Variants in PMPCB observed in about 807,000 individuals in gnomAD.
PMPCB encodes the protein peptidase, mitochondrial processing subunit beta.
In PMPCB, 46 loss-of-function variants were observed where a neutral mutation model predicts 61.5. The ratio of observed to expected loss-of-function variants is 0.75; its 90% CI spans 0.59 to 0.96. The LOEUF (loss-of-function observed/expected upper bound fraction) is 0.96, where lower values mean the gene tolerates loss of function less well. PMPCB is among the 40% of genes least tolerant of loss of function. The probability of loss-of-function intolerance (pLI) is 0.00; values close to 1 mark genes in which losing one functional copy is unlikely to be tolerated. For synonymous variants in PMPCB, 191 were observed against 201.6 expected (o/e 0.95, Z 0.44); for missense variants, 590 against 602.4 (o/e 0.98, Z 0.22).
In PMPCB at chr7:103,313,403, A is replaced by G. The variant is rs981192873; in HGVS notation, c.*1132A>G. On this transcript the variant is annotated 3_prime_UTR_variant, in exon 13 of 13. Transcript: ENST00000249269. ...ACACTCACCAGACTGGTAAAAAGCC[A>G]TATTTAAATTTATAGTACTGTTGGA... 3 of 984,172 alleles carry G rather than the reference A, an allele frequency of 3.0e-6. No individual in the cohort carries two copies. Among genetic ancestry groups the G allele is most frequent in the Non-Finnish European group, 3.6e-6 (3 of 828,756 alleles). 61.0% of individuals were successfully genotyped at this position (984,172 alleles called of 1,614,324 possible).
At chr7:103,315,352 A>C (rs1347544745), downstream of PMPCB, among the ~76,000 whole-genome samples, 1 of 152,172 alleles carries the variant, frequency 6.6e-6, no homozygotes, top group African/African-American at 2.4e-5. Flanking sequence ...ACATACTTTG[A>C]ACCATAAGTT....
chr7:103,327,566 T>A (rs957111004), intron 12 of PMPCB: 11 of 826,560 alleles, frequency 1.3e-5, no homozygotes, highest in Non-Finnish European at 1.9e-5. Flanking sequence ...GATAGTTGAA[T>A]GAACTACAGT....
chr7:103,306,337 T>C (rs1305623220), intron 6 of PMPCB, among the ~76,000 whole-genome samples: 2 of 152,068 alleles, frequency 1.3e-5, no homozygotes, highest in African/African-American at 2.4e-5. Flanking sequence ...TGGATACCTA[T>C]TGATGTATTC....
chr7:103,321,453 G>T (rs1009551456), intron 12 of PMPCB, among the ~76,000 whole-genome samples: 6 of 151,062 alleles, frequency 4.0e-5, no homozygotes, highest in African/African-American at 1.5e-4. Flanking sequence ...AGGAGGCGGG[G>T]GTTGCAGTGA....
chr7:103,304,343 C>G, intron 5 of PMPCB, 68 bp from the exon 6 acceptor site: 1 of 888,366 alleles, frequency 1.1e-6, no homozygotes, highest in Admixed American at 1.9e-5. Context: ...AATTTGATTT[C>G]AGGTATATTA....
At chr7:103,344,415 G>T in the PMPCB span, 1 of 831,430 alleles carries the variant, frequency 1.2e-6, no homozygotes, top group Non-Finnish European at 2.0e-6. Context: ...AAAACACGGA[G>T]CAAAAAGGCA....
intron 4 of PMPCB, among the ~76,000 whole-genome samples, chr7:103,300,528 G>T (rs1203729777): frequency 6.6e-6 from 1 of 152,148 alleles, no homozygotes; most frequent in East Asian, 1.9e-4. Context: ...CAATAAAATA[G>T]AGATTATTTG....
the PMPCB span, among the ~76,000 whole-genome samples, chr7:103,339,350 T>G: frequency 1.3e-5 from 2 of 152,196 alleles, no homozygotes; most frequent in Non-Finnish European, 2.9e-5. Flanking sequence ...CTTCTTTCTA[T>G]ACCAAAGACC....
At chr7:103,320,969 A>AGG (rs1179133862) in intron 12 of PMPCB, 1 of 153,482 alleles carries the variant, frequency 6.5e-6, no homozygotes, top group African/African-American at 2.4e-5. Flanking sequence ...AGTCCAAGGC[A>AGG]GGGGGATCAC....
chr7:103,346,197 A>G, the PMPCB span, among the ~76,000 whole-genome samples: 6 of 151,922 alleles, frequency 3.9e-5, no homozygotes, highest in Non-Finnish European at 8.8e-5. Flanking sequence ...CAGTGGCCTG[A>G]TTTCGGCTCA....
the PMPCB span, among the ~76,000 whole-genome samples, chr7:103,334,561 T>C: frequency 6.6e-6 from 1 of 150,598 alleles, no homozygotes; most frequent in Non-Finnish European, 1.5e-5. Context: ...GGATAACAGT[T>C]AGACTCCGTC....
chr7:103,326,689 G>A, intron 12 of PMPCB: 2 of 1,593,716 alleles, frequency 1.3e-6, no homozygotes, highest in Admixed American at 3.7e-5. Context: ...CATAAGCTGA[G>A]AAAAAAATTG....
downstream of PMPCB, among the ~76,000 whole-genome samples, chr7:103,331,113 C>T (rs1308770387): frequency 4.6e-5 from 7 of 151,814 alleles, no homozygotes; most frequent in Admixed American, 2.6e-4. Context: ...CCTGCCACCA[C>T]GCTCAGCTAA....
downstream of PMPCB, among the ~76,000 whole-genome samples, chr7:103,331,741 T>C (rs1369509154): frequency 6.6e-6 from 1 of 152,230 alleles, no homozygotes; most frequent in Admixed American, 6.5e-5. Context: ...CTTTTCTTTA[T>C]CAACTAGTCT....
At position 103,313,293 on chromosome 7, in the gene PMPCB, C is replaced by T; in HGVS notation, c.*1022C>T. 1 of 1,327,216 alleles carries T rather than the reference C, an allele frequency of 7.5e-7. No individual in the cohort carries two copies. The highest frequency in any genetic ancestry group is 9.6e-7 in the Non-Finnish European group (1 of 1,042,968). The allele number at this position is 1,327,216 out of a possible 1,614,324, so 82.2% of individuals were successfully genotyped here. ...AGAAAAAATTTCAGATAGCTCACAT[C>T]CCAGAAAATAAAATCTCAAAGGCTT... On this transcript the variant is annotated 3_prime_UTR_variant, in exon 13 of 13. Transcript: ENST00000249269.
Position 103,310,519 on chromosome 7 carries a change from C to T in PMPCB, c.1154+44C>T, listed in dbSNP as rs771747765. The T allele has an allele frequency of 6.8e-6, 10 of 1,466,836 alleles. No individual in the cohort carries two copies. The East Asian group carries it at 1.2e-4, about 17-fold the overall frequency. The allele number at this position is 1,466,836 out of a possible 1,614,324, so 90.9% of individuals were successfully genotyped here. A position where few individuals can be genotyped will look rare whatever the true frequency, so the allele number is the denominator to read the frequency against. On this transcript the variant is annotated intron_variant, in intron 9 of 12. Transcript: ENST00000249269. ...AGTAATTTAAATTTTGCCTTTAATT[C>T]GTTTTAAACTAGTTTTTTATTTATA...
rs117776402 is a variant in PMPCB at position 103,322,357 on chromosome 7, C to G, written c.*1432-6574C>G. ...AAAAACGTGCTGGTAAGGAAGATCT[C>G]TCAATTATACCAACTGGTCATGATT... On this transcript the variant is annotated intron_variant and NMD_transcript_variant, in intron 12 of 12. Transcript: ENST00000444457. 3.4e-3 allele frequency among the ~76,000 whole-genome samples: 521 copies of G among 152,194 alleles called. 2 individuals carry two copies. The highest frequency in any genetic ancestry group is 0.01 in the Middle Eastern group (3 of 294).
At chr7:103,309,601 T>A (rs1698495935) in intron 8 of PMPCB, among the ~76,000 whole-genome samples, 1 of 152,190 alleles carries the variant, frequency 6.6e-6, no homozygotes, top group Non-Finnish European at 1.5e-5. Flanking sequence ...TATGCAAATA[T>A]TACATATACC....
At chr7:103,316,466 G>A (rs1034501849), downstream of PMPCB, 2 of 221,792 alleles carry the variant, frequency 9.0e-6, no homozygotes, top group Admixed American at 1.1e-4. Context: ...CTTTCTTGCA[G>A]TTAAACTCAA....
Sources: allele counts gnomAD v4.1 joint callset (sites outside exome capture counted in the v4.1 genomes callset), GRCh38; gene constraint gnomAD v4.1.1; transcripts MANE v1.5; gene names NCBI Gene and HGNC (gene_info 2026-07-23, HGNC 2026-07-21).